AFDN: variants seen among roughly 807,000 people sequenced by gnomAD.
The protein encoded by AFDN is afadin.
Under a neutral mutation model 216.6 loss-of-function variants are expected in AFDN, and 68 were observed. The ratio of observed to expected loss-of-function variants is 0.31; its 90% CI spans 0.26 to 0.38. The LOEUF is 0.38. Among genes scored for constraint, AFDN ranks in the 10% least tolerant of loss-of-function variants. The pLI is 1.00. For synonymous variants in AFDN, 868 were observed against 853.7 expected, an observed-to-expected ratio of 1.02 and a Z score of -0.29; for missense variants, 2,136 against 2,342.0, an observed-to-expected ratio of 0.91 and a Z score of 1.82.
chr6:167,827,840 A>G lies in AFDN; in HGVS notation c.105+603A>G, dbSNP rs572429646. On this transcript the variant is annotated intron_variant, in intron 1 of 33. Coordinates refer to ENST00000683244, the MANE Select transcript of AFDN (RefSeq NM_001386888.1). Reference sequence around the variant, plus strand: ...TTCTCCACCTTCGGGGCCGCGAGGAAGGGCCCTCTGCGGCGGCCTCTGCCC... The same window carrying G: ...TTCTCCACCTTCGGGGCCGCGAGGAGGGGCCCTCTGCGGCGGCCTCTGCCC... 8.6e-3 allele frequency: 1,314 copies of G among 152,270 alleles called. 11 individuals carry two copies. Among genetic ancestry groups the G allele is most frequent in the Non-Finnish European group, 0.014 (966 of 68,026 alleles). 9.4% of individuals were successfully genotyped at this position (152,270 alleles called of 1,614,324 possible). A position where few individuals can be genotyped will look rare whatever the true frequency, so the allele number is the denominator to read the frequency against.
intron 2 of AFDN, among the ~76,000 whole-genome samples, chr6:167,867,890 A>G (rs1347937927): frequency 6.6e-6 from 1 of 152,058 alleles, no homozygotes; most frequent in Admixed American, 6.6e-5. Context: ...TTTTATGGGG[A>G]GGGTGGTGGT....
chr6:167,886,379 T>A (rs951190621), intron 6 of AFDN, among the ~76,000 whole-genome samples: 4 of 152,212 alleles, frequency 2.6e-5, no homozygotes, highest in Non-Finnish European at 5.9e-5. Context: ...TGTCATGAAC[T>A]AGAGTTCTGC....
chr6:167,833,977 A>G (rs987502285), intron 1 of AFDN, among the ~76,000 whole-genome samples: 9 of 152,238 alleles, frequency 5.9e-5, no homozygotes, highest in South Asian at 2.1e-4. Flanking sequence ...ATGATTTTAC[A>G]TAGGTTGCAA....
rs760739255 is a variant in AFDN, at chr6:167,915,428, G to A, written c.2560G>A (p.Val854Met). ...TGCGGACTGTCATCTGAGCAGGATC[G>A]TGCAGGTGATTGCTGGTGCCACTCC... ...LAADCHLSRI[V>M]QATTLLTMDK... is the part of the protein sequence containing the mutation. The change falls in exon 19 of 34, where the codon GTG becomes ATG. Residue 854 changes from valine (V) to methionine (M), a missense_variant. Val to Met is a conservative substitution (Grantham distance 21). This residue lies in a region of AFDN where 162 missense variants were observed against 182.6 expected (regional missense o/e 0.89). Transcript: ENST00000683244. 2.1e-5 allele frequency: 34 copies of A among 1,606,626 alleles called. No homozygotes were observed. The highest frequency in any genetic ancestry group is 1.7e-4 in the Middle Eastern group (1 of 6,028).
chr6:167,926,072 C>A (rs1397279437), intron 23 of AFDN, among the ~76,000 whole-genome samples: 2 of 152,154 alleles, frequency 1.3e-5, no homozygotes, highest in Admixed American at 6.5e-5. Flanking sequence ...TGCTAATAGT[C>A]AAAAATTTTA....
chr6:167,950,746 C>G (rs1795875362), intron 29 of AFDN, among the ~76,000 whole-genome samples: 1 of 152,062 alleles, frequency 6.6e-6, no homozygotes, highest in Admixed American at 6.5e-5. Context: ...ACATGTCTGG[C>G]TCTGCAGTGG....
intron 12 of AFDN, among the ~76,000 whole-genome samples, chr6:167,902,943 C>T (rs1789175393): frequency 6.6e-6 from 1 of 152,156 alleles, no homozygotes; most frequent in Admixed American, 6.5e-5. Context: ...TCTTTCTTTT[C>T]TCTAAGGCCA....
intron 29 of AFDN, among the ~76,000 whole-genome samples, chr6:167,950,291 C>G (rs911671035): frequency 6.6e-6 from 1 of 152,154 alleles, no homozygotes; most frequent in Admixed American, 6.5e-5. Flanking sequence ...ATGCTTGATT[C>G]AGACCTCATA....
At chr6:167,964,928 G>A (rs936178919) in intron 31 of AFDN, 7 of 1,058,736 alleles carry the variant, frequency 6.6e-6, no homozygotes, top group African/African-American at 4.9e-5. Context: ...CTTTTTTAAT[G>A]TTAAAAGAAT....
In AFDN at chr6:167,922,971, G is replaced by C; in HGVS notation, c.3012+12G>C. 3 of 1,583,754 alleles carry C rather than the reference G, an allele frequency of 1.9e-6. No individual in the cohort carries two copies. The highest frequency in any genetic ancestry group is 2.6e-6 in the Non-Finnish European group (3 of 1,153,632). On this transcript the variant is annotated intron_variant, in intron 22 of 33. Coordinates refer to ENST00000683244, the MANE Select transcript of AFDN (RefSeq NM_001386888.1). The stretch of plus-strand genomic sequence containing the variant: ...AGAACACAGAGCTGGCAAGTATTTT[G>C]AGGGTACCATGAAGTGAAATGGATC...
intron 5 of AFDN, 91 bp downstream of exon 5, chr6:167,875,586 C>CA (rs1400256333): frequency 1.5e-6 from 2 of 1,326,644 alleles, no homozygotes; most frequent in Non-Finnish European, 2.1e-6. Context: ...TTAACTAAAG[C>CA]AATGGGTGGT....
At chr6:167,925,394 G>A (rs1259840477) in intron 23 of AFDN, among the ~76,000 whole-genome samples, 2 of 152,192 alleles carry the variant, frequency 1.3e-5, no homozygotes, top group Non-Finnish European at 2.9e-5. Flanking sequence ...CGCACAGTGA[G>A]GAGAGAAAGC....
At chr6:167,927,102 A>G (rs1451301933) in intron 23 of AFDN, among the ~76,000 whole-genome samples, 3 of 152,212 alleles carry the variant, frequency 2.0e-5, no homozygotes, top group African/African-American at 7.2e-5. Context: ...ACAAATGCCT[A>G]CGAAACAATA....
chr6:167,943,312 ATAGAG>A lies in AFDN; in HGVS notation c.3166-87_3166-83del, dbSNP rs1280357039. Reference sequence around the variant, plus strand: ...ACTATAGTGCTTGTTGGAAGAACAAATAGAGTATCTACTCATCATTACCTTTTCTT... The same window carrying A: ...ACTATAGTGCTTGTTGGAAGAACAAATATCTACTCATCATTACCTTTTCTT... On this transcript the variant is annotated intron_variant, in intron 24 of 33. Coordinates refer to ENST00000683244, the MANE Select transcript of AFDN (RefSeq NM_001386888.1). 2.8e-6 allele frequency: 4 copies of A among 1,433,744 alleles called. No homozygotes were observed. In the East Asian group the frequency reaches 9.1e-5, roughly 33 times the overall value. The allele number at this position is 1,433,744 out of a possible 1,614,324, so 88.8% of individuals were successfully genotyped here.
chr6:167,872,301 GAAA>G lies in AFDN; in HGVS notation c.507_509del (p.Lys171del). The G allele has an allele frequency of 6.2e-7, 1 of 1,613,666 alleles. No individual in the cohort carries two copies. Among genetic ancestry groups the G allele is most frequent in the South Asian group, 1.1e-5 (1 of 91,012 alleles). On this transcript the variant is annotated inframe_deletion, in exon 4 of 34. Coordinates refer to ENST00000683244, the MANE Select transcript of AFDN (RefSeq NM_001386888.1). Reference sequence around the variant, plus strand: ...AACTCTCTCAAAGAAAGAAAAGAAGGAAAAAAAGAAGAGAGAAAAAGAGGCATT... The same window carrying G: ...AACTCTCTCAAAGAAAGAAAAGAAGGAAAAGAAGAGAGAAAAAGAGGCATT...
At chr6:167,954,843 G>C (rs1477797546) in intron 30 of AFDN, among the ~76,000 whole-genome samples, 1 of 152,196 alleles carries the variant, frequency 6.6e-6, no homozygotes, top group East Asian at 1.9e-4. Flanking sequence ...ATTAGACATA[G>C]ATTTTAAATA....
chr6:167,928,682 C>T (rs1376567530), intron 23 of AFDN, among the ~76,000 whole-genome samples: 2 of 152,194 alleles, frequency 1.3e-5, no homozygotes, highest in East Asian at 1.9e-4. Flanking sequence ...GAATGGGCTC[C>T]ACCCGGCCTC....
chr6:167,948,059 T>G (rs1795534085), intron 28 of AFDN, 115 bp downstream of exon 28: 2 of 858,764 alleles, frequency 2.3e-6, no homozygotes, highest in South Asian at 3.6e-5. Flanking sequence ...GATTATAATT[T>G]CTAAATTTGC....
At position 167,945,208 on chromosome 6, in the gene AFDN, T is replaced by C. The variant is rs142204774; in HGVS notation, c.3358+1149T>C. On this transcript the variant is annotated intron_variant, in intron 26 of 33. Transcript: ENST00000683244. ...TTTCATCTTTTTGGTTAAAATCTCG[T>C]ACATAAGCACACACATTAGCTTCGG... Among the ~76,000 whole-genome samples the C allele has an allele frequency of 1.1e-3, 175 of 152,246 alleles. 1 individual carries two copies. The highest frequency in any genetic ancestry group is 4.1e-3 in the African/African-American group (169 of 41,552).
Sources: gnomAD v4.1 joint callset for allele counts (sites outside exome capture counted in the v4.1 genomes callset) on GRCh38, gnomAD v4.1.1 for gene constraint, gnomAD v4.1.1 regional missense constraint, MANE v1.5 for transcripts, NCBI Gene and HGNC (gene_info 2026-07-23, HGNC 2026-07-21) for gene names.